C2orf15: variants seen among roughly 807,000 people sequenced by gnomAD.
C2orf15 encodes chromosome 2 open reading frame 15.
In C2orf15, 3 loss-of-function variants were observed where a neutral mutation model predicts 4.4. The ratio of observed to expected loss-of-function variants is 0.67; its 90% CI spans 0.31 to 1.74. C2orf15 has a LOEUF of 1.74. Ranked by LOEUF, C2orf15 falls within the 40% of genes most tolerant of loss-of-function variation. The pLI, the probability that C2orf15 is intolerant of heterozygous loss-of-function variation, is 0.09. For synonymous variants in C2orf15, 37 were observed against 36.8 expected (o/e 1.00, Z -0.02); for missense variants, 90 against 103.3 (o/e 0.87, Z 0.56).
At chr2:99,150,129 C>T (rs906965497) in intron 3 of C2orf15, among the ~76,000 whole-genome samples, 2 of 152,122 alleles carry the variant, frequency 1.3e-5, no homozygotes, top group African/African-American at 2.4e-5. Context: ...TTATTTTTTA[C>T]AGAAAATAAA....
At chr2:99,146,729 A>G (rs1256807505) in intron 2 of C2orf15, among the ~76,000 whole-genome samples, 1 of 152,116 alleles carries the variant, frequency 6.6e-6, no homozygotes, top group African/African-American at 2.4e-5. Flanking sequence ...CCTGGGTTCA[A>G]GCGATTCTCC....
intron 3 of C2orf15, among the ~76,000 whole-genome samples, chr2:99,147,821 A>G (rs1470501459): frequency 6.6e-6 from 1 of 152,120 alleles, no homozygotes; most frequent in African/African-American, 2.4e-5. Context: ...ATTGCTAAAC[A>G]ATTTGAGGGC....
rs35343264 is a variant in C2orf15 at position 99,149,169 on chromosome 2, CA to C, written c.-76-1298del. ...TGGGTGAAAGGGTGAAACTCCATCT[CA>C]AAAAAAAAAAAAAAATGGGTGAGGG... On this transcript the variant is annotated intron_variant, in intron 3 of 3. Transcript: ENST00000650052. Among the ~76,000 whole-genome samples the C allele has an allele frequency of 8.7e-4, 107 of 123,194 alleles. 1 individual carries two copies. Among genetic ancestry groups the C allele is most frequent in the South Asian group, 1.0e-3 (4 of 3,852 alleles). 80.8% of individuals were successfully genotyped at this position (123,194 alleles called of 152,430 possible).
At chr2:99,146,278 T>C (rs907825974) in intron 2 of C2orf15, among the ~76,000 whole-genome samples, 2 of 152,218 alleles carry the variant, frequency 1.3e-5, no homozygotes, top group Admixed American at 6.5e-5. Flanking sequence ...CTGTTTGGGA[T>C]TCCTCAATCT....
At chr2:99,150,395 C>T in intron 3 of C2orf15, 88 bp from the exon 4 acceptor site, 1 of 726,196 alleles carries the variant, frequency 1.4e-6, no homozygotes, top group African/African-American at 1.8e-5. Flanking sequence ...TTTCTAGTAT[C>T]ACCACAGCTT....
Position 99,151,078 on chromosome 2 carries a change from T to C in C2orf15, c.*244T>C. On this transcript the variant is annotated 3_prime_UTR_variant, in exon 4 of 4. Transcript: ENST00000650052. ...ATTTCTCTGGTATTATATTATATCC[T>C]TCTTAAAAACCAGAGTTTTTAAGTA... is the stretch of plus-strand genomic sequence containing the variant. 3.0e-6 allele frequency: 1 copy of C among 328,292 alleles called. No individual in the cohort carries two copies. The highest frequency in any genetic ancestry group is 5.5e-6 in the Non-Finnish European group (1 of 180,736). The allele number at this position is 328,292 out of a possible 1,614,324, so 20.3% of individuals were successfully genotyped here. A position where few individuals can be genotyped will look rare whatever the true frequency, so the allele number is the denominator to read the frequency against.
intron 3 of C2orf15, chr2:99,148,203 T>C (rs2093651804): frequency 6.6e-6 from 1 of 152,222 alleles, no homozygotes; most frequent in Non-Finnish European, 1.5e-5. Flanking sequence ...TTTCCTCATG[T>C]TTAGATTCAA....
chr2:99,146,109 A>G (rs536669830), intron 2 of C2orf15, among the ~76,000 whole-genome samples: 2 of 152,206 alleles, frequency 1.3e-5, no homozygotes, highest in East Asian at 3.9e-4. Flanking sequence ...ATGGCGAAAC[A>G]TCGTCTCTAC....
In C2orf15 at chr2:99,150,882, A is replaced by AG. The variant is rs763094198; in HGVS notation, c.*54dup. 1.1e-5 allele frequency: 14 copies of AG among 1,263,892 alleles called. No individual in the cohort carries two copies. The highest frequency in any genetic ancestry group is 2.3e-5 in the East Asian group (1 of 43,060). The allele number at this position is 1,263,892 out of a possible 1,614,324, so 78.3% of individuals were successfully genotyped here. A position where few individuals can be genotyped will look rare whatever the true frequency, so the allele number is the denominator to read the frequency against. Reference sequence around the variant, plus strand: ...AGAAACCAAAAACTGCCTTTGACTAAGGGGGGTGTTGAAAGAGAACTTAAC... The same window carrying AG: ...AGAAACCAAAAACTGCCTTTGACTAAGGGGGGGTGTTGAAAGAGAACTTAAC... On this transcript the variant is annotated 3_prime_UTR_variant, in exon 4 of 4. Coordinates refer to ENST00000650052, the MANE Select transcript of C2orf15 (RefSeq NM_144706.4).
rs1031238215 is a variant in C2orf15, at chr2:99,142,379, C to T, written c.-191C>T. On this transcript the variant is annotated 5_prime_UTR_variant, in exon 2 of 4. Coordinates refer to ENST00000650052, the MANE Select transcript of C2orf15 (RefSeq NM_144706.4). ...AAGAGTAAGCTCTCGTTTGAGGAGA[C>T]TAACAATTCCTGTTTTCGCCAGGTG... is the stretch of plus-strand genomic sequence containing the variant. 1 of 152,206 alleles carries T rather than the reference C, an allele frequency of 6.6e-6. No individual in the cohort carries two copies. The highest frequency in any genetic ancestry group is 1.5e-5 in the Non-Finnish European group (1 of 68,040). 9.4% of individuals were successfully genotyped at this position (152,206 alleles called of 1,614,324 possible).
At chr2:99,147,356 T>C in intron 2 of C2orf15, 46 bp from the exon 3 acceptor site, 1 of 1,043,450 alleles carries the variant, frequency 9.6e-7, no homozygotes, top group Non-Finnish European at 1.5e-6. Flanking sequence ...TTTCTCCAGA[T>C]TGATTTATCT....
intron 2 of C2orf15, 35 bp from the exon 3 acceptor site, chr2:99,147,367 C>A (rs767879856): frequency 1.7e-6 from 2 of 1,147,410 alleles, no homozygotes; most frequent in Admixed American, 1.8e-5. Context: ...TGATTTATCT[C>A]TTTATGTACC....
rs557862723 is a variant in C2orf15, at chr2:99,151,642, A to C, written c.*808A>C. Reference sequence around the variant, plus strand: ...GATCACTGCCAATAAACTGCAAAAGACCAATAAATTGCATATCTTCAGAAG... The same window carrying C: ...GATCACTGCCAATAAACTGCAAAAGCCCAATAAATTGCATATCTTCAGAAG... On this transcript the variant is annotated 3_prime_UTR_variant, in exon 4 of 4. Transcript: ENST00000650052. Among the ~76,000 whole-genome samples, 9 of 152,226 alleles carry C rather than the reference A, an allele frequency of 5.9e-5. No homozygotes were observed. The highest frequency in any genetic ancestry group is 1.3e-4 in the Non-Finnish European group (9 of 68,044).
At chr2:99,144,649 C>CAGAAAAAAAAAAAAA (rs2093613449) in intron 2 of C2orf15, among the ~76,000 whole-genome samples, 1 of 52,272 alleles carries the variant, frequency 1.9e-5, no homozygotes, top group Admixed American at 2.7e-4. Context: ...AACTCTGTCT[C>CAGAAAAAAAAAAAAA]AAAAAAAAAA....
At chr2:99,145,597 A>G (rs746351442) in intron 2 of C2orf15, among the ~76,000 whole-genome samples, 2 of 151,580 alleles carry the variant, frequency 1.3e-5, no homozygotes, top group Admixed American at 1.3e-4. Flanking sequence ...TTACATTAGT[A>G]CCACCCAATT....
At chr2:99,149,538 G>T (rs1308545942) in intron 3 of C2orf15, among the ~76,000 whole-genome samples, 3 of 150,648 alleles carry the variant, frequency 2.0e-5, no homozygotes, top group East Asian at 2.0e-4. Flanking sequence ...AGCCTCCCGG[G>T]TTCACACCAT....
At position 99,150,888 on chromosome 2, in the gene C2orf15, G is replaced by A. The variant is rs886207080; in HGVS notation, c.*54G>A. 5.9e-6 allele frequency: 7 copies of A among 1,187,884 alleles called. No individual in the cohort carries two copies. The South Asian group carries it at 7.4e-5, about 13-fold the overall frequency. The allele number at this position is 1,187,884 out of a possible 1,614,324, so 73.6% of individuals were successfully genotyped here. ...CAAAAACTGCCTTTGACTAAGGGGGGTGTTGAAAGAGAACTTAACCTTATT... is the reference window on the plus strand; with the variant it reads ...CAAAAACTGCCTTTGACTAAGGGGGATGTTGAAAGAGAACTTAACCTTATT... On this transcript the variant is annotated 3_prime_UTR_variant, in exon 4 of 4. Coordinates refer to ENST00000650052, the MANE Select transcript of C2orf15 (RefSeq NM_144706.4).
intron 2 of C2orf15, among the ~76,000 whole-genome samples, chr2:99,144,193 T>G (rs1030693918): frequency 6.6e-6 from 1 of 151,922 alleles, no homozygotes; most frequent in Non-Finnish European, 1.5e-5. Flanking sequence ...GCTAATTTTT[T>G]TGTATTTTTA....
rs1040707037 is a variant in C2orf15 at position 99,151,572 on chromosome 2, T to C, written c.*738T>C. On this transcript the variant is annotated 3_prime_UTR_variant, in exon 4 of 4. Coordinates refer to ENST00000650052, the MANE Select transcript of C2orf15 (RefSeq NM_144706.4). ...ACATTTCCATTTTGGGATTCTGCTT[T>C]ATGATACTTTACTTTCTTACATTTT... The C allele has an allele frequency of 6.6e-6, 1 of 152,212 alleles. No individual in the cohort carries two copies. The highest frequency in any genetic ancestry group is 1.5e-5 in the Non-Finnish European group (1 of 68,044). The allele number at this position is 152,212 out of a possible 1,614,324, so 9.4% of individuals were successfully genotyped here. A position where few individuals can be genotyped will look rare whatever the true frequency, so the allele number is the denominator to read the frequency against.
Sources: allele counts gnomAD v4.1 joint callset (sites outside exome capture counted in the v4.1 genomes callset), GRCh38; gene constraint gnomAD v4.1.1; transcripts MANE v1.5; gene names NCBI Gene and HGNC (gene_info 2026-07-23, HGNC 2026-07-21).